The following DOHH variants were observed in gnomAD, a reference collection of about 807,000 sequenced individuals.
The protein encoded by DOHH is deoxyhypusine hydroxylase, also known as HEAT-like (PBS lyase) repeat containing 1.
In DOHH, 16 loss-of-function variants were observed where a neutral mutation model predicts 19.9. That is an observed-to-expected ratio of 0.80 (90% CI 0.54 to 1.22). The LOEUF (loss-of-function observed/expected upper bound fraction) is 1.22, where lower values mean the gene tolerates loss of function less well. Ranked by LOEUF, DOHH falls within the 50% of genes most tolerant of loss-of-function variation. DOHH has a pLI of 0.00. For missense variants in DOHH, 460 were observed against 460.6 expected (o/e 1.00, Z 0.01); for synonymous variants, 233 against 217.0 (o/e 1.07, Z -0.65).
intron 2 of DOHH, among the ~76,000 whole-genome samples, chr19:3,494,815 A>G (rs2082896677): frequency 6.6e-6 from 1 of 152,222 alleles, no homozygotes; most frequent in Non-Finnish European, 1.5e-5. Flanking sequence ...TCTGCCGGGA[A>G]AAGTCCCGTA....
chr19:3,499,784 T>C, intron 1 of DOHH, among the ~76,000 whole-genome samples: 1 of 152,070 alleles, frequency 6.6e-6, no homozygotes, highest in South Asian at 2.1e-4. Context: ...AATAAATAAA[T>C]AAAATAAAAA....
chr19:3,500,220 G>A (rs867162927), intron 1 of DOHH, among the ~76,000 whole-genome samples: 1 of 152,136 alleles, frequency 6.6e-6, no homozygotes, highest in East Asian at 1.9e-4. Flanking sequence ...TGGGCTTGAC[G>A]AGGGCAGTGT....
At position 3,491,613 on chromosome 19, in the gene DOHH, T is replaced by C; in HGVS notation, c.788A>G (p.Asp263Gly). Residue 263 changes from aspartate (D) to glycine (G), a missense_variant, in exon 5 of 5, where the codon GAC becomes GGC. Transcript: ENST00000427575. The surrounding 1 kb of genome is among the most constrained non-coding windows in gnomAD (Gnocchi z 5.6). ...CTCACGCACCACGCGCTCTGGGTCG[T>C]CCGCGTGAGCCTGCAGCGCGGCCAG... ...ACLAALQAHA[D>G]DPERVVRESC... 1 of 1,535,770 alleles carries C rather than the reference T, an allele frequency of 6.5e-7. No individual in the cohort carries two copies. The highest frequency in any genetic ancestry group is 8.7e-7 in the Non-Finnish European group (1 of 1,146,320).
intron 1 of DOHH, among the ~76,000 whole-genome samples, chr19:3,497,271 T>C (rs568305547): frequency 1.6e-4 from 24 of 152,310 alleles, no homozygotes; most frequent in South Asian, 4.1e-4. Flanking sequence ...GGCTGACCCA[T>C]GTGAATGCCA....
Position 3,492,345 on chromosome 19 carries a change from G to C in DOHH, c.506C>G (p.Ser169Cys). Residue 169 changes from serine (S) to cysteine (C), a missense_variant, in exon 4 of 5, where the codon TCC (serine) becomes TGC (cysteine). Ser to Cys is a moderately radical substitution (Grantham distance 112). Transcript: ENST00000427575. ...GRLREALLDE[S>C]RPLFERYRAM... The stretch of plus-strand genomic sequence containing the variant: ...GCGGTATCGCTCGAAGAGCGGCCGG[G>C]ACTCATCCAGCAGCGCCTCCCGCAG... The C allele has an allele frequency of 3.2e-6, 5 of 1,544,450 alleles. No homozygotes were observed. Among genetic ancestry groups the C allele is most frequent in the Non-Finnish European group, 4.3e-6 (5 of 1,152,314 alleles).
intron 1 of DOHH, among the ~76,000 whole-genome samples, chr19:3,499,501 G>A (rs2082933489): frequency 6.6e-6 from 1 of 152,178 alleles, no homozygotes; most frequent in Admixed American, 6.5e-5. Context: ...GGCTGGGCGC[G>A]GTGGCTCACG....
intron 3 of DOHH, among the ~76,000 whole-genome samples, chr19:3,493,254 C>A (rs191502577): frequency 1.4e-4 from 21 of 152,348 alleles, no homozygotes; most frequent in African/African-American, 4.8e-4. Context: ...GAGTTCAACA[C>A]CAGCCTGGGC....
chr19:3,491,874 G>A lies in DOHH; in HGVS notation c.590-63C>T. Reference sequence around the variant, plus strand: ...GTGGGAAGGGGAGCTCTGTCTTTTCGAAGACATGGGGTCTTGCTATCTTGC... The same window carrying A: ...GTGGGAAGGGGAGCTCTGTCTTTTCAAAGACATGGGGTCTTGCTATCTTGC... On this transcript the variant is annotated intron_variant, in intron 4 of 4. Coordinates refer to ENST00000427575, the MANE Select transcript of DOHH (RefSeq NM_001145165.2). This position sits in a 1 kb window ranked among gnomAD's most constrained non-coding sequence, Gnocchi z 5.6. The A allele has an allele frequency of 7.3e-7, 1 of 1,363,590 alleles. No individual in the cohort carries two copies. The highest frequency in any genetic ancestry group is 9.6e-7 in the Non-Finnish European group (1 of 1,044,032). The allele number at this position is 1,363,590 out of a possible 1,614,324, so 84.5% of individuals were successfully genotyped here. A position where few individuals can be genotyped will look rare whatever the true frequency, so the allele number is the denominator to read the frequency against.
rs200754054 is a variant in DOHH at position 3,494,122 on chromosome 19, G to C, written c.275-18C>G. 2.5e-4 allele frequency: 406 copies of C among 1,610,514 alleles called. 3 individuals are homozygous for C. In the African/African-American group the frequency reaches 4.9e-3, roughly 19 times the overall value. Reference sequence around the variant, plus strand: ...GGCCTCCCCTGGGAAGAAGCAGCCGGAGAGCTCATGTTGGTGGGGTGGATG... The same window carrying C: ...GGCCTCCCCTGGGAAGAAGCAGCCGCAGAGCTCATGTTGGTGGGGTGGATG... On this transcript the variant is annotated intron_variant, in intron 2 of 4. Transcript: ENST00000427575.
Position 3,496,775 on chromosome 19 carries a change from G to C in DOHH, c.40C>G (p.Leu14Val). Reference sequence around the variant, plus strand: ...TGCAGGGGCTGCTTGGGGTCCACCAGCGTCTGCCCGATGGCATCCACCTCC... The same window carrying C: ...TGCAGGGGCTGCTTGGGGTCCACCACCGTCTGCCCGATGGCATCCACCTCC... ...EQEVDAIGQT[L>V]VDPKQPLQAR... Residue 14 changes from leucine (L) to valine (V), a missense_variant, in exon 2 of 5, where the codon CTG becomes GTG. Coordinates refer to ENST00000427575, the MANE Select transcript of DOHH (RefSeq NM_001145165.2). This position sits in a 1 kb window ranked among gnomAD's most constrained non-coding sequence, Gnocchi z 4.8. 1.2e-6 allele frequency: 2 copies of C among 1,604,176 alleles called. No individual in the cohort carries two copies. The highest frequency in any genetic ancestry group is 1.7e-6 in the Non-Finnish European group (2 of 1,176,638).
At chr19:3,493,885 T>C (rs1421635814) in intron 3 of DOHH, 143 bp downstream of exon 3, 2 of 701,816 alleles carry the variant, frequency 2.8e-6, no homozygotes, top group Non-Finnish European at 2.3e-6. Context: ...TCCTCATCCC[T>C]GGGGCATCCT....
At chr19:3,495,935 C>G (rs1274134309) in intron 2 of DOHH, among the ~76,000 whole-genome samples, 1 of 151,764 alleles carries the variant, frequency 6.6e-6, no homozygotes, top group African/African-American at 2.4e-5. Flanking sequence ...TGGTTTAAAA[C>G]AAAAAATCAA....
intron 1 of DOHH, among the ~76,000 whole-genome samples, chr19:3,498,420 T>G (rs553640533): frequency 3.0e-4 from 46 of 152,216 alleles, no homozygotes; most frequent in African/African-American, 1.0e-3. Flanking sequence ...ATTTTTTTTT[T>G]TTTGAGACAG....
intron 3 of DOHH, 111 bp from the exon 4 acceptor site, chr19:3,492,610 T>A: frequency 2.3e-6 from 2 of 860,834 alleles, no homozygotes; most frequent in Non-Finnish European, 3.2e-6. Context: ...GCAGGGTGAC[T>A]AACCCATCAT....
At chr19:3,492,068 G>A (rs1009535704) in intron 4 of DOHH, among the ~76,000 whole-genome samples, 194 bp downstream of exon 4, 23 of 152,168 alleles carry the variant, frequency 1.5e-4, no homozygotes, top group Non-Finnish European at 2.9e-4. Context: ...AGCTATGGGG[G>A]CGGGAAAAGC....
At chr19:3,499,221 A>G (rs8103802) in intron 1 of DOHH, among the ~76,000 whole-genome samples, 12,314 of 152,234 alleles carry the variant, frequency 0.081, 1,746 homozygotes, top group African/African-American at 0.28. Context: ...GGTCTCCAAC[A>G]TCACTTCCTC....
rs1249239331 is a variant in DOHH at position 3,491,922 on chromosome 19, GC to G, written c.590-112del. 1.9e-5 allele frequency: 22 copies of G among 1,182,566 alleles called. No individual in the cohort carries two copies. The highest frequency in any genetic ancestry group is 2.9e-4 in the Middle Eastern group (1 of 3,428). The allele number at this position is 1,182,566 out of a possible 1,614,324, so 73.3% of individuals were successfully genotyped here. A position where few individuals can be genotyped will look rare whatever the true frequency, so the allele number is the denominator to read the frequency against. On this transcript the variant is annotated intron_variant, in intron 4 of 4. Coordinates refer to ENST00000427575, the MANE Select transcript of DOHH (RefSeq NM_001145165.2). The surrounding 1 kb of genome is among the most constrained non-coding windows in gnomAD (Gnocchi z 5.6). ...TGCCCAGGCAGGTCACAAAGTCCTG[GC>G]GATCTTCCCATCCCGGCCTCCCAAA...
At position 3,496,761 on chromosome 19, in the gene DOHH, C is replaced by T. The variant is rs753559247; in HGVS notation, c.54G>A (p.Lys18=). The change falls in exon 2 of 5, where the codon AAG becomes AAA. Residue 18 remains lysine, a synonymous_variant. Transcript: ENST00000427575. This position sits in a 1 kb window ranked among gnomAD's most constrained non-coding sequence, Gnocchi z 4.8. ...CCCGGAAGCGGGCCTGCAGGGGCTG[C>T]TTGGGGTCCACCAGCGTCTGCCCGA... ...DAIGQTLVDP[K]QPLQARFRAL... 6.2e-7 allele frequency: 1 copy of T among 1,608,286 alleles called. No individual in the cohort carries two copies. The highest frequency in any genetic ancestry group is 1.1e-5 in the South Asian group (1 of 90,968).
intron 3 of DOHH, 81 bp downstream of exon 3, chr19:3,493,947 C>T: frequency 7.2e-7 from 1 of 1,385,974 alleles, no homozygotes; most frequent in East Asian, 2.4e-5. Context: ...TGAGGCTGCT[C>T]CAGGTCAGGG....
Sources: allele counts gnomAD v4.1 joint callset (sites outside exome capture counted in the v4.1 genomes callset), GRCh38; gene constraint gnomAD v4.1.1; non-coding constraint Gnocchi (gnomAD v3.1); transcripts MANE v1.5; gene names NCBI Gene and HGNC (gene_info 2026-07-23, HGNC 2026-07-21).